SH3BGRL: variants seen among roughly 807,000 people sequenced by gnomAD.
SH3BGRL encodes the protein SH3 domain binding glutamate rich protein like.
SH3BGRL carries 7 observed loss-of-function variants against 9.8 expected under a neutral mutation model. That is an observed-to-expected ratio of 0.72 (90% confidence interval 0.41 to 1.35). SH3BGRL has a LOEUF of 1.35. Among genes scored for constraint, SH3BGRL ranks in the 40% most tolerant of loss-of-function variants. The probability of loss-of-function intolerance (pLI) is 0.01; values close to 1 mark genes in which losing one functional copy is unlikely to be tolerated. For missense variants in SH3BGRL, 73 were observed against 84.4 expected (o/e 0.86, Z 0.53); for synonymous variants, 36 against 29.1 (o/e 1.24, Z -0.76).
intron 1 of SH3BGRL, chrX:81,202,843 T>A (rs1228354062): frequency 9.0e-6 from 1 of 110,943 alleles, no homozygotes; most frequent in African/African-American, 3.3e-5. Flanking sequence ...ATGACGTAAA[T>A]TTTTTTTTAA....
At chrX:81,211,547 A>G (rs1487650959) in intron 1 of SH3BGRL, among the ~76,000 whole-genome samples, 1 of 110,887 alleles carries the variant, frequency 9.0e-6, no homozygotes, top group Non-Finnish European at 1.9e-5. Flanking sequence ...AGATCGTGCC[A>G]CTGCACTCCA....
chrX:81,294,744 C>A (rs1388975828), intron 3 of SH3BGRL, among the ~76,000 whole-genome samples: 1 of 111,397 alleles, frequency 9.0e-6, no homozygotes, highest in Non-Finnish European at 1.9e-5. Context: ...ATGTGCCTGG[C>A]AAAGCTGCAG....
At chrX:81,218,159 T>C (rs1265071291) in intron 1 of SH3BGRL, among the ~76,000 whole-genome samples, 1 of 110,559 alleles carries the variant, frequency 9.0e-6, no homozygotes, top group Non-Finnish European at 1.9e-5. Context: ...GTTAGGTGAG[T>C]CTCTTGAAGA....
intron 1 of SH3BGRL, among the ~76,000 whole-genome samples, chrX:81,219,112 A>G (rs1462059787): frequency 9.1e-6 from 1 of 110,238 alleles, no homozygotes; most frequent in Non-Finnish European, 1.9e-5. Flanking sequence ...AGGCTCAAAG[A>G]ACAGCCAGGA....
intron 1 of SH3BGRL, among the ~76,000 whole-genome samples, chrX:81,267,265 A>G (rs1478737065): frequency 2.7e-5 from 3 of 111,676 alleles, no homozygotes; most frequent in East Asian, 5.6e-4. Flanking sequence ...TGGTGAGAAA[A>G]GGCATCCCTG....
At chrX:81,214,833 T>C (rs887090064) in intron 1 of SH3BGRL, among the ~76,000 whole-genome samples, 2 of 112,228 alleles carry the variant, frequency 1.8e-5, no homozygotes, top group African/African-American at 6.5e-5. Context: ...TGAAATTTAG[T>C]AAAGATCAGT....
rs185959169 is a variant in SH3BGRL, at chrX:81,280,512, G to A, written c.312+2101G>A. 3.7e-3 allele frequency among the ~76,000 whole-genome samples: 416 copies of A among 111,806 alleles called. 2 individuals carry two copies. The highest frequency in any genetic ancestry group is 0.011 in the African/African-American group (348 of 30,787). On this transcript the variant is annotated intron_variant, in intron 3 of 3. Coordinates refer to ENST00000373212, the MANE Select transcript of SH3BGRL (RefSeq NM_003022.3). Reference sequence around the variant, plus strand: ...ATCGCAGGACTCTGTGCAGACAACCGCCAGTACCAACCAGGATCTGGGTAG... The same window carrying A: ...ATCGCAGGACTCTGTGCAGACAACCACCAGTACCAACCAGGATCTGGGTAG...
chrX:81,256,256 C>T (rs903881203), intron 1 of SH3BGRL, among the ~76,000 whole-genome samples: 3 of 111,706 alleles, frequency 2.7e-5, no homozygotes, highest in Non-Finnish European at 5.6e-5. Context: ...AGAGAGAATG[C>T]TTTTGCATTT....
At chrX:81,281,894 C>G (rs2075818333) in intron 3 of SH3BGRL, among the ~76,000 whole-genome samples, 1 of 111,959 alleles carries the variant, frequency 8.9e-6, no homozygotes, top group African/African-American at 3.3e-5. Context: ...TACAGAACTG[C>G]AGAATGGATA....
At chrX:81,236,681 A>G (rs750965234) in intron 1 of SH3BGRL, among the ~76,000 whole-genome samples, 7 of 112,147 alleles carry the variant, frequency 6.2e-5, no homozygotes, top group Non-Finnish European at 1.3e-4. Flanking sequence ...AGACTGAGCC[A>G]TGTATTTCTA....
chrX:81,295,071 G>A (rs996835029), intron 3 of SH3BGRL, among the ~76,000 whole-genome samples: 7 of 111,910 alleles, frequency 6.3e-5, no homozygotes, highest in African/African-American at 9.8e-5. Flanking sequence ...GCTCATAGGC[G>A]GAAGGGACTT....
chrX:81,267,334 G>T lies in SH3BGRL; in HGVS notation c.46-9650G>T, dbSNP rs182496420. Among the ~76,000 whole-genome samples the T allele has an allele frequency of 3.5e-3, 392 of 111,899 alleles. 1 individual carries two copies. Among genetic ancestry groups the T allele is most frequent in the African/African-American group, 9.8e-3 (301 of 30,755 alleles). On this transcript the variant is annotated intron_variant, in intron 1 of 3. Transcript: ENST00000373212. ...TTATTGCCCATTCAGTATGACATCGGCTGTGGGTTTGTCCTAAATAGCTCC... is the reference window on the plus strand; with the variant it reads ...TTATTGCCCATTCAGTATGACATCGTCTGTGGGTTTGTCCTAAATAGCTCC...
rs774815750 is a variant in SH3BGRL at position 81,298,318 on chromosome X, A to G, written c.*1091A>G. The G allele has an allele frequency of 1.8e-5, 2 of 111,710 alleles. No individual in the cohort carries two copies. Among genetic ancestry groups the G allele is most frequent in the East Asian group, 5.6e-4 (2 of 3,577 alleles). 9.2% of individuals were successfully genotyped at this position (111,710 alleles called of 1,213,427 possible). A position where few individuals can be genotyped will look rare whatever the true frequency, so the allele number is the denominator to read the frequency against. The stretch of plus-strand genomic sequence containing the variant: ...ATTAAGCCTGAAGACTTCTAAAAAG[A>G]CAAGAAACATGGCCTAAATAACCAA... On this transcript the variant is annotated 3_prime_UTR_variant, in exon 4 of 4. Transcript: ENST00000373212.
chrX:81,236,769 CTG>C (rs1293877085), intron 1 of SH3BGRL, among the ~76,000 whole-genome samples: 3 of 111,645 alleles, frequency 2.7e-5, no homozygotes, highest in Non-Finnish European at 3.8e-5. Context: ...TAGCCACACA[CTG>C]TGGAACCAAT....
chrX:81,295,207 G>A (rs1179890746), intron 3 of SH3BGRL, among the ~76,000 whole-genome samples: 2 of 111,498 alleles, frequency 1.8e-5, no homozygotes, highest in East Asian at 5.7e-4. Context: ...ATTTGGAGAG[G>A]TCAGGGGTAG....
chrX:81,255,385 A>G lies in SH3BGRL; in HGVS notation c.46-21599A>G, dbSNP rs2075722793. ...TTAATAAAGCATGCTATTTAGTTAG[A>G]CAAGGGTTTCATTGTTTTGAAAGCT... is the stretch of plus-strand genomic sequence containing the variant. On this transcript the variant is annotated intron_variant, in intron 1 of 3. Transcript: ENST00000373212. 4 of 111,834 alleles carry G rather than the reference A, an allele frequency of 3.6e-5. No homozygotes were observed. The Admixed American group carries it at 3.8e-4, about 11-fold the overall frequency. 9.2% of individuals were successfully genotyped at this position (111,834 alleles called of 1,213,427 possible).
chrX:81,255,456 C>T (rs1002766390), intron 1 of SH3BGRL: 3 of 111,373 alleles, frequency 2.7e-5, no homozygotes, highest in Non-Finnish European at 3.8e-5. Flanking sequence ...TGGAAATTAC[C>T]CAGTTATATA....
intron 1 of SH3BGRL, among the ~76,000 whole-genome samples, chrX:81,272,236 G>A (rs984493623): frequency 4.6e-5 from 5 of 107,924 alleles, no homozygotes; most frequent in East Asian, 5.9e-4. Flanking sequence ...TTAGTAGGTC[G>A]TGGCAGTATT....
chrX:81,275,340 C>T (rs2075795452), intron 1 of SH3BGRL, among the ~76,000 whole-genome samples: 1 of 111,389 alleles, frequency 9.0e-6, no homozygotes. Context: ...CTCAAGCAAT[C>T]CTCCTGCTTC....
Sources: allele counts gnomAD v4.1 joint callset (sites outside exome capture counted in the v4.1 genomes callset), GRCh38; gene constraint gnomAD v4.1.1; transcripts MANE v1.5; gene names NCBI Gene and HGNC (gene_info 2026-07-23, HGNC 2026-07-21).